PTPRG: variants seen among roughly 807,000 people sequenced by gnomAD.
The protein encoded by PTPRG is receptor-type tyrosine-protein phosphatase gamma.
PTPRG carries 102 observed loss-of-function variants against 165.3 expected under a neutral mutation model. The observed-to-expected ratio is 0.62, with a 90% CI of 0.53 to 0.73. The LOEUF is 0.73. Among genes scored for constraint, PTPRG ranks in the 30% least tolerant of loss-of-function variants. The probability of loss-of-function intolerance (pLI) is 0.00; values close to 1 mark genes in which losing one functional copy is unlikely to be tolerated. For synonymous variants in PTPRG, 675 were observed against 669.5 expected (o/e 1.01, Z -0.13); for missense variants, 1,866 against 1,861.4 (o/e 1.00, Z -0.05).
rs1337330092 is a variant in PTPRG at position 62,262,870 on chromosome 3, A to C, written c.2632A>C (p.Asn878His). The C allele has an allele frequency of 1.9e-6, 3 of 1,612,984 alleles. No homozygotes were observed. The highest frequency in any genetic ancestry group is 2.5e-6 in the Non-Finnish European group (3 of 1,179,088). ...CAATCATCCAGAAAACAAGCACAAA[A>C]ACAGATACATCAACATTTTAGCATG... ...HSNHPENKHK[N>H]RYINILAYDH... Residue 878 changes from asparagine to histidine, a missense_variant, in exon 17 of 30, where the codon AAC becomes CAC. Asn to His is a moderately conservative substitution (Grantham distance 68, BLOSUM62 1). This residue lies in a region of PTPRG where 1,452 missense variants were observed against 1,463.0 expected (regional missense o/e 0.99). Transcript: ENST00000474889.
At chr3:61,676,721 C>T (rs947683370) in intron 1 of PTPRG, among the ~76,000 whole-genome samples, 7 of 151,896 alleles carry the variant, frequency 4.6e-5, no homozygotes, top group Admixed American at 4.6e-4. Flanking sequence ...GTTTATTTAC[C>T]ATAAGTTACT....
rs183537303 is a variant in PTPRG, at chr3:61,848,527, T to C, written c.190+99545T>C. On this transcript the variant is annotated intron_variant, in intron 2 of 29. Coordinates refer to ENST00000474889, the MANE Select transcript of PTPRG (RefSeq NM_002841.4). ...TCTTTTCCAAAGTGGAGTTATACTTTAGAGTATCTTAATATATCTTATAGC... is the reference window on the plus strand; with the variant it reads ...TCTTTTCCAAAGTGGAGTTATACTTCAGAGTATCTTAATATATCTTATAGC... Among the ~76,000 whole-genome samples, 564 of 152,366 alleles carry C rather than the reference T, an allele frequency of 3.7e-3. 6 individuals are homozygous for C. The highest frequency in any genetic ancestry group is 0.032 in the South Asian group (154 of 4,826).
chr3:61,884,807 G>A (rs1336659313), intron 2 of PTPRG, among the ~76,000 whole-genome samples: 1 of 152,146 alleles, frequency 6.6e-6, no homozygotes, highest in South Asian at 2.1e-4. Context: ...CTACATTGTG[G>A]TTCAAGTTTT....
chr3:61,726,439 C>T (rs1339054663), intron 1 of PTPRG, among the ~76,000 whole-genome samples: 18 of 152,082 alleles, frequency 1.2e-4, no homozygotes, highest in Non-Finnish European at 2.9e-5. Context: ...TCAAATCTCA[C>T]TTGTACTGAT....
chr3:61,619,452 CA>C (rs1454921333), intron 1 of PTPRG, among the ~76,000 whole-genome samples: 1 of 152,122 alleles, frequency 6.6e-6, no homozygotes, highest in Non-Finnish European at 1.5e-5. Flanking sequence ...GTGCTACTGG[CA>C]TTTGGTAGGT....
chr3:62,059,183 G>A (rs948863126), intron 4 of PTPRG, among the ~76,000 whole-genome samples: 13 of 152,186 alleles, frequency 8.5e-5, no homozygotes, highest in Non-Finnish European at 1.8e-4. Flanking sequence ...CCGCTATGTA[G>A]AATTGTCATG....
intron 2 of PTPRG, among the ~76,000 whole-genome samples, chr3:61,904,810 A>G (rs1179916005): frequency 1.3e-5 from 2 of 152,200 alleles, no homozygotes; most frequent in Non-Finnish European, 2.9e-5. Context: ...CCAGTTGACA[A>G]AAATCAGCCC....
intron 1 of PTPRG, among the ~76,000 whole-genome samples, chr3:61,607,064 T>A (rs549796603): frequency 7.2e-4 from 109 of 152,320 alleles, no homozygotes; most frequent in Non-Finnish European, 9.3e-4. Context: ...GAAAGAGGAC[T>A]CTCTGCCAAG....
At chr3:61,624,318 A>G (rs990087455) in intron 1 of PTPRG, among the ~76,000 whole-genome samples, 1 of 152,154 alleles carries the variant, frequency 6.6e-6, no homozygotes, top group African/African-American at 2.4e-5. Flanking sequence ...AGGCATGGCA[A>G]TGAACCCAAC....
rs139810523 is a variant in PTPRG, at chr3:61,730,081, C to T, written c.86-18797C>T. Among the ~76,000 whole-genome samples the T allele has an allele frequency of 3.2e-3, 491 of 152,286 alleles. 2 individuals are homozygous for T. Among genetic ancestry groups the T allele is most frequent in the Non-Finnish European group, 5.7e-3 (391 of 68,024 alleles). On this transcript the variant is annotated intron_variant, in intron 1 of 29. Transcript: ENST00000474889. ...AGATGGGTCTTCCTTAGGTCTGCTG[C>T]GATTTCTTTGACTGAAGGGGTTTGT...
chr3:62,144,379 C>T (rs1389787827), intron 6 of PTPRG, among the ~76,000 whole-genome samples: 1 of 152,186 alleles, frequency 6.6e-6, no homozygotes, highest in Non-Finnish European at 1.5e-5. Flanking sequence ...TCACATGTTT[C>T]AACTGAATTA....
At chr3:62,121,276 T>G (rs1264397527) in intron 5 of PTPRG, among the ~76,000 whole-genome samples, 1 of 152,072 alleles carries the variant, frequency 6.6e-6, no homozygotes, top group African/African-American at 2.4e-5. Context: ...TTTAAGGATC[T>G]TGGATGTGTT....
intron 1 of PTPRG, among the ~76,000 whole-genome samples, chr3:61,684,144 T>C (rs556921631): frequency 3.9e-5 from 6 of 152,304 alleles, no homozygotes; most frequent in South Asian, 4.1e-4. Flanking sequence ...TCCTGGACTT[T>C]TAAGAGTAGC....
chr3:61,579,451 G>A (rs1281168740), intron 1 of PTPRG, among the ~76,000 whole-genome samples: 1 of 152,144 alleles, frequency 6.6e-6, no homozygotes, highest in Non-Finnish European at 1.5e-5. Flanking sequence ...ACCATTTTTT[G>A]AGCACCTACT....
intron 5 of PTPRG, among the ~76,000 whole-genome samples, chr3:62,093,078 T>C (rs1447290402): frequency 6.6e-6 from 1 of 152,230 alleles, no homozygotes; most frequent in Non-Finnish European, 1.5e-5. Context: ...CCCTGGGATT[T>C]AGATGTAATT....
chr3:62,256,039 G>C (rs1415561581), intron 16 of PTPRG, among the ~76,000 whole-genome samples: 1 of 152,108 alleles, frequency 6.6e-6, no homozygotes, highest in African/African-American at 2.4e-5. Context: ...GTGTCGAGGA[G>C]GCCAAGTTTT....
At chr3:61,776,829 ACTT>A (rs1432225428) in intron 2 of PTPRG, among the ~76,000 whole-genome samples, 1 of 152,104 alleles carries the variant, frequency 6.6e-6, no homozygotes, top group African/African-American at 2.4e-5. Context: ...CTTAAAAACT[ACTT>A]CTTTGCCTAA....
rs1360162824 is a variant in PTPRG, at chr3:61,817,148, T to C, written c.190+68166T>C. Among the ~76,000 whole-genome samples, 3 of 118,484 alleles carry C rather than the reference T, an allele frequency of 2.5e-5. No homozygotes were observed. The East Asian group carries it at 7.3e-4, about 29-fold the overall frequency. The allele number at this position is 118,484 out of a possible 152,430, so 77.7% of individuals were successfully genotyped here. On this transcript the variant is annotated intron_variant, in intron 2 of 29. Transcript: ENST00000474889. ...TATTACACATAATACATATATTACA[T>C]ATATATAATATATAATATATAATAA...
chr3:61,916,317 A>G (rs536623215), intron 2 of PTPRG, among the ~76,000 whole-genome samples: 233 of 152,344 alleles, frequency 1.5e-3, no homozygotes, highest in African/African-American at 5.3e-3. Flanking sequence ...TGATTCAGAC[A>G]TAGGGTGGTG....
Sources: allele counts gnomAD v4.1 joint callset (sites outside exome capture counted in the v4.1 genomes callset), GRCh38; gene constraint gnomAD v4.1.1; regional missense constraint gnomAD v4.1.1; transcripts MANE v1.5; gene names NCBI Gene and HGNC (gene_info 2026-07-23, HGNC 2026-07-21).